Variants in ATP2C2 observed in about 807,000 individuals in gnomAD.
The protein encoded by ATP2C2 is ATPase secretory pathway Ca2+ transporting 2.
ATP2C2 carries 171 observed loss-of-function variants against 110.8 expected under a neutral mutation model. That is an observed-to-expected ratio of 1.54 (90% CI 1.36 to 1.75). The LOEUF is 1.75. Ranked by LOEUF, ATP2C2 falls within the 40% of genes most tolerant of loss-of-function variation. The pLI, the probability that ATP2C2 is intolerant of heterozygous loss-of-function variation, is 0.00. For synonymous variants in ATP2C2, 804 were observed against 508.4 expected (o/e 1.58, Z -7.82); for missense variants, 1,963 against 1,235.0 (o/e 1.59, Z -8.84).
chr16:84,383,360 A>C (rs1321138555), intron 1 of ATP2C2, among the ~76,000 whole-genome samples: 1 of 152,226 alleles, frequency 6.6e-6, no homozygotes, highest in Admixed American at 6.5e-5. Flanking sequence ...CCCATCCAAC[A>C]AAATGGGCAC....
rs774781137 is a variant in ATP2C2 at position 84,405,076 on chromosome 16, C to G, written c.211-52C>G. The G allele has an allele frequency of 3.8e-5, 57 of 1,487,946 alleles. No homozygotes were observed. The South Asian group carries it at 5.9e-4, about 15-fold the overall frequency. 92.2% of individuals were successfully genotyped at this position (1,487,946 alleles called of 1,614,324 possible). A position where few individuals can be genotyped will look rare whatever the true frequency, so the allele number is the denominator to read the frequency against. The stretch of plus-strand genomic sequence containing the variant: ...AGAGTGGGAGTCTGTACCCTGTTGC[C>G]TCATTCCTTGCTGCGCCCATGAGTG... On this transcript the variant is annotated intron_variant, in intron 2 of 26. Coordinates refer to ENST00000262429, the MANE Select transcript of ATP2C2 (RefSeq NM_014861.4).
chr16:84,453,768 A>G (rs897303655), intron 20 of ATP2C2, among the ~76,000 whole-genome samples: 5 of 152,198 alleles, frequency 3.3e-5, no homozygotes, highest in African/African-American at 1.2e-4. Flanking sequence ...CCTTTGCTAC[A>G]TACAGTGAAA....
chr16:84,445,894 C>G (rs1322890139), intron 15 of ATP2C2, among the ~76,000 whole-genome samples: 2 of 152,210 alleles, frequency 1.3e-5, no homozygotes, highest in Non-Finnish European at 2.9e-5. Context: ...CATCACTGAT[C>G]CAAAAGCCAC....
rs534918264 is a variant in ATP2C2 at position 84,405,068 on chromosome 16, C to A, written c.211-60C>A. On this transcript the variant is annotated intron_variant, in intron 2 of 26. Transcript: ENST00000262429. ...TGCCTTTCAGAGTGGGAGTCTGTAC[C>A]CTGTTGCCTCATTCCTTGCTGCGCC... 17 of 1,386,418 alleles carry A rather than the reference C, an allele frequency of 1.2e-5. No individual in the cohort carries two copies. In the East Asian group the frequency reaches 2.1e-4, roughly 17 times the overall value. 85.9% of individuals were successfully genotyped at this position (1,386,418 alleles called of 1,614,324 possible).
At chr16:84,411,828 G>C (rs947372762) in intron 6 of ATP2C2, among the ~76,000 whole-genome samples, 1 of 152,208 alleles carries the variant, frequency 6.6e-6, no homozygotes, top group Non-Finnish European at 1.5e-5. Flanking sequence ...GGGCAGCTCA[G>C]CTTAGAACAT....
chr16:84,448,878 A>C (rs369436598), intron 17 of ATP2C2, among the ~76,000 whole-genome samples, 189 bp downstream of exon 17: 64 of 152,274 alleles, frequency 4.2e-4, no homozygotes, highest in African/African-American at 1.4e-3. Context: ...ACCTCATCCC[A>C]GTTCCTTAGT....
At chr16:84,383,477 C>T (rs1376924522) in intron 1 of ATP2C2, among the ~76,000 whole-genome samples, 1 of 152,170 alleles carries the variant, frequency 6.6e-6, no homozygotes, top group Admixed American at 6.5e-5. Flanking sequence ...GCGGGTTGAA[C>T]CTGAATATAG....
Position 84,404,710 on chromosome 16 carries a change from C to T in ATP2C2, c.211-418C>T, listed in dbSNP as rs1368637373. ...CTAGCAGTTCCTTTGGGTATATACC[C>T]CAAAGTGGAATTGCTGGATCTGGTA... On this transcript the variant is annotated intron_variant, in intron 2 of 26. Transcript: ENST00000262429. The T allele has an allele frequency of 4.0e-5, 14 of 352,580 alleles. No individual in the cohort carries two copies. In the East Asian group the frequency reaches 9.7e-4, roughly 24 times the overall value. The allele number at this position is 352,580 out of a possible 1,614,324, so 21.8% of individuals were successfully genotyped here. A position where few individuals can be genotyped will look rare whatever the true frequency, so the allele number is the denominator to read the frequency against.
chr16:84,460,408 C>G (rs915072440), intron 23 of ATP2C2: 1 of 578,688 alleles, frequency 1.7e-6, no homozygotes, highest in South Asian at 1.9e-5. Context: ...GTGTGGTTGG[C>G]CTTACGGGGT....
intron 24 of ATP2C2, chr16:84,461,342 C>T (rs1275378646): frequency 1.5e-5 from 5 of 336,188 alleles, no homozygotes; most frequent in Non-Finnish European, 2.7e-5. Flanking sequence ...CCTCCATTTT[C>T]CCTCCAGCTC....
At chr16:84,389,083 G>C (rs1210698602) in intron 1 of ATP2C2, among the ~76,000 whole-genome samples, 2 of 152,066 alleles carry the variant, frequency 1.3e-5, no homozygotes, top group African/African-American at 4.8e-5. Flanking sequence ...TGAAGGATTG[G>C]GGCTGGAGGA....
chr16:84,423,544 G>A lies in ATP2C2; in HGVS notation c.919+281G>A, dbSNP rs538641972. On this transcript the variant is annotated intron_variant, in intron 10 of 26. Transcript: ENST00000262429. ...TCCGTGGGTGTATTCCTGGTCCAGT[G>A]GCTCTCCTGGATAGCTCGCCTACAA... Among the ~76,000 whole-genome samples the A allele has an allele frequency of 8.5e-5, 13 of 152,342 alleles. No homozygotes were observed. The South Asian group carries it at 1.7e-3, about 19-fold the overall frequency.
At chr16:84,437,576 C>T (rs1453902231) in intron 11 of ATP2C2, among the ~76,000 whole-genome samples, 3 of 152,104 alleles carry the variant, frequency 2.0e-5, no homozygotes, top group Non-Finnish European at 2.9e-5. Context: ...AGCGCAGTGG[C>T]GCAGTCTCGG....
rs759653433 is a variant in ATP2C2 at position 84,410,765 on chromosome 16, G to A, written c.515G>A (p.Cys172Tyr). 21 of 1,613,814 alleles carry A rather than the reference G, an allele frequency of 1.3e-5. No individual in the cohort carries two copies. Among genetic ancestry groups the A allele is most frequent in the Non-Finnish European group, 1.8e-5 (21 of 1,179,834 alleles). The change falls in exon 6 of 27, where the codon TGC (cysteine) becomes TAC (tyrosine). Residue 172 changes from cysteine to tyrosine, a missense_variant and splice_region_variant. Physicochemically the swap from Cys to Tyr is radical, Grantham distance 194. Transcript: ENST00000262429. Reference sequence around the variant, plus strand: ...AAGCTGGTTCCTCCAGAATGTAACTGGTAAGTCAGAGCCTCCCTGGGACTT... The same window carrying A: ...AAGCTGGTTCCTCCAGAATGTAACTAGTAAGTCAGAGCCTCCCTGGGACTT... ...LTKLVPPECN[C>Y]LREGKLQHLL...
intron 23 of ATP2C2, 126 bp downstream of exon 23, chr16:84,459,512 C>A: frequency 6.4e-7 from 1 of 1,566,046 alleles, no homozygotes; most frequent in Non-Finnish European, 8.6e-7. Flanking sequence ...TCAGGAGTTC[C>A]CAGAAAACTG....
intron 4 of ATP2C2, 63 bp downstream of exon 4, chr16:84,408,557 T>A: frequency 1.5e-6 from 2 of 1,325,298 alleles, no homozygotes; most frequent in Non-Finnish European, 2.1e-6. Flanking sequence ...AGTCTCTGCT[T>A]GTTATTGTAT....
intron 26 of ATP2C2, chr16:84,462,764 A>C (rs445001): frequency 0.26 from 39,706 of 152,502 alleles, 5,423 homozygotes; most frequent in South Asian, 0.44. Context: ...CTGAGAGCCA[A>C]CCCCAACCCG....
chr16:84,460,305 G>T lies in ATP2C2; in HGVS notation c.2334-349G>T, dbSNP rs1408107016. 6.2e-5 allele frequency: 22 copies of T among 356,724 alleles called. 1 individual carries two copies. The highest frequency in any genetic ancestry group is 5.2e-4 in the South Asian group (20 of 38,692). The allele number at this position is 356,724 out of a possible 1,614,324, so 22.1% of individuals were successfully genotyped here. A position where few individuals can be genotyped will look rare whatever the true frequency, so the allele number is the denominator to read the frequency against. ...TCTCTCTCAGCTGATGAGGGGCTCT[G>T]CGGAGGGCGGAGCCTGGAGCCTGTT... is the stretch of plus-strand genomic sequence containing the variant. On this transcript the variant is annotated intron_variant, in intron 23 of 26. Transcript: ENST00000262429.
At chr16:84,402,650 T>G (rs1758733891) in intron 2 of ATP2C2, among the ~76,000 whole-genome samples, 2 of 152,350 alleles carry the variant, frequency 1.3e-5, no homozygotes, top group African/African-American at 4.8e-5. Context: ...TTCCTTTTGG[T>G]CATGATGAAT....
Sources: allele counts gnomAD v4.1 joint callset (sites outside exome capture counted in the v4.1 genomes callset), GRCh38; gene constraint gnomAD v4.1.1; transcripts MANE v1.5; gene names NCBI Gene and HGNC (gene_info 2026-07-23, HGNC 2026-07-21).